Variants in RASAL2 observed in about 807,000 individuals in gnomAD.
RASAL2 encodes RAS protein activator like 2.
RASAL2 carries 58 observed loss-of-function variants against 128.9 expected under a neutral mutation model. The observed-to-expected ratio is 0.45, with a 90% CI of 0.36 to 0.56. The LOEUF (loss-of-function observed/expected upper bound fraction) is 0.56, where lower values mean the gene tolerates loss of function less well. Among genes scored for constraint, RASAL2 ranks in the 20% least tolerant of loss-of-function variants. The probability of loss-of-function intolerance (pLI) is 0.00; values close to 1 mark genes in which losing one functional copy is unlikely to be tolerated. For missense variants in RASAL2, 1,360 were observed against 1,601.6 expected, an observed-to-expected ratio of 0.85 and a Z score of 2.57; for synonymous variants, 561 against 580.8, an observed-to-expected ratio of 0.97 and a Z score of 0.49.
rs552176480 is a variant in RASAL2 at position 178,456,814 on chromosome 1, C to T, written c.2305C>T (p.Arg769Cys). The change falls in exon 13 of 18, where the codon CGC becomes TGC. Residue 769 changes from arginine to cysteine, a missense_variant. Coordinates refer to ENST00000367649, the MANE Select transcript of RASAL2 (RefSeq NM_170692.4). ...TACGCCAATACAACAGCAACTGAGA[C>T]GCTTCACTGAACATAACTCCAGTCC... Reference protein sequence around the residue: ...NPTPIQQQLRRFTEHNSSPNV... With the variant: ...NPTPIQQQLRCFTEHNSSPNV... 32 of 1,614,164 alleles carry T rather than the reference C, an allele frequency of 2.0e-5. No individual in the cohort carries two copies. The highest frequency in any genetic ancestry group is 4.5e-5 in the East Asian group (2 of 44,884).
chr1:178,167,013 G>A (rs1338128994), intron 1 of RASAL2, among the ~76,000 whole-genome samples: 1 of 152,000 alleles, frequency 6.6e-6, no homozygotes, highest in East Asian at 1.9e-4. Flanking sequence ...GTTCTTTCTA[G>A]CCCCTACTCT....
intron 1 of RASAL2, among the ~76,000 whole-genome samples, chr1:178,135,943 C>G (rs1483099449): frequency 2.6e-5 from 4 of 152,110 alleles, no homozygotes; most frequent in Non-Finnish European, 4.4e-5. Flanking sequence ...CCCACCAGGT[C>G]CCTCCCACAA....
chr1:178,163,765 G>A (rs929455576), intron 1 of RASAL2, among the ~76,000 whole-genome samples: 1 of 152,064 alleles, frequency 6.6e-6, no homozygotes, highest in Non-Finnish European at 1.5e-5. Context: ...GCTATTTGGA[G>A]GCCCTTGTTA....
chr1:178,224,469 A>C (rs1167962367), intron 1 of RASAL2, among the ~76,000 whole-genome samples: 2 of 152,144 alleles, frequency 1.3e-5, no homozygotes, highest in East Asian at 3.9e-4. Context: ...TTCATTGGGA[A>C]GCATATGTGC....
intron 6 of RASAL2, among the ~76,000 whole-genome samples, chr1:178,440,269 T>C (rs1316874417): frequency 5.9e-5 from 9 of 152,036 alleles, no homozygotes; most frequent in Admixed American, 3.9e-4. Context: ...ACTAAGTGAC[T>C]ACAGATGAGT....
intron 1 of RASAL2, among the ~76,000 whole-genome samples, chr1:178,138,137 T>C (rs182234711): frequency 2.0e-5 from 3 of 152,296 alleles, no homozygotes; most frequent in Non-Finnish European, 1.5e-5. Context: ...AAACTTGAGT[T>C]AAGAATTCAG....
At chr1:178,204,435 C>T (rs2101972596) in intron 1 of RASAL2, among the ~76,000 whole-genome samples, 3 of 152,256 alleles carry the variant, frequency 2.0e-5, no homozygotes, top group Middle Eastern at 6.8e-3. Flanking sequence ...CTTATACTAA[C>T]ACTATTCATC....
At chr1:178,260,654 A>G (rs1269147575) in intron 1 of RASAL2, among the ~76,000 whole-genome samples, 3 of 151,782 alleles carry the variant, frequency 2.0e-5, no homozygotes, top group African/African-American at 4.8e-5. Context: ...GTCAAACTCT[A>G]TATCCTAAAT....
At chr1:178,201,107 A>G (rs1217973898) in intron 1 of RASAL2, among the ~76,000 whole-genome samples, 1 of 152,222 alleles carries the variant, frequency 6.6e-6, no homozygotes, top group East Asian at 1.9e-4. Flanking sequence ...TCTAATTTAT[A>G]TAAGCAGAAA....
At chr1:178,114,755 C>T (rs1659465315) in intron 1 of RASAL2, among the ~76,000 whole-genome samples, 1 of 152,202 alleles carries the variant, frequency 6.6e-6, no homozygotes, top group East Asian at 1.9e-4. Context: ...ATCTCCTGAC[C>T]TCGTGATCCG....
At chr1:178,142,251 C>T (rs928405985) in intron 1 of RASAL2, among the ~76,000 whole-genome samples, 5 of 152,076 alleles carry the variant, frequency 3.3e-5, no homozygotes, top group Middle Eastern at 3.4e-3. Context: ...ACTTTAACTG[C>T]GGTTGGGGTA....
At chr1:178,102,208 C>T (rs1011920821) in intron 1 of RASAL2, among the ~76,000 whole-genome samples, 6 of 151,992 alleles carry the variant, frequency 3.9e-5, no homozygotes, top group African/African-American at 1.5e-4. Flanking sequence ...AATTAATACC[C>T]TTTTTCTGAT....
intron 1 of RASAL2, among the ~76,000 whole-genome samples, chr1:178,250,039 G>T (rs552810221): frequency 6.6e-6 from 1 of 152,164 alleles, no homozygotes; most frequent in Non-Finnish European, 1.5e-5. Context: ...TTGGCGGTCA[G>T]GGACCCACTT....
chr1:178,471,813 G>A (rs768882096), intron 17 of RASAL2, among the ~76,000 whole-genome samples: 2 of 152,106 alleles, frequency 1.3e-5, no homozygotes, highest in African/African-American at 4.8e-5. Flanking sequence ...GTGTCCCAAA[G>A]TGTAGCACTA....
chr1:178,259,131 T>C (rs1665531265), intron 1 of RASAL2, among the ~76,000 whole-genome samples: 1 of 108,058 alleles, frequency 9.3e-6, no homozygotes, highest in African/African-American at 3.7e-5. Context: ...TCTTTTTTTT[T>C]TTTTTTTTTT....
chr1:178,303,850 A>G (rs1667875024), intron 3 of RASAL2, among the ~76,000 whole-genome samples: 1 of 152,150 alleles, frequency 6.6e-6, no homozygotes, highest in South Asian at 2.1e-4. Context: ...AAATTAGTAC[A>G]TCCTGTCTGA....
Position 178,452,569 on chromosome 1 carries a change from T to C in RASAL2, c.1926T>C (p.Leu642=), listed in dbSNP as rs1314436676. The change falls in exon 11 of 18, where the codon CTT becomes CTC. Residue 642 remains leucine, a synonymous_variant. Coordinates refer to ENST00000367649, the MANE Select transcript of RASAL2 (RefSeq NM_170692.4). ...PAIMSPSLFN[L]MQEYPDDRTS... ...TTATGTCTCCCAGTCTTTTCAACCT[T>C]ATGCAGGAGTATCCTGATGACCGCA... The C allele has an allele frequency of 6.2e-7, 1 of 1,613,978 alleles. No homozygotes were observed. The highest frequency in any genetic ancestry group is 1.3e-5 in the African/African-American group (1 of 74,906).
At chr1:178,327,693 C>T (rs1669100377) in intron 3 of RASAL2, among the ~76,000 whole-genome samples, 1 of 152,172 alleles carries the variant, frequency 6.6e-6, no homozygotes, top group Non-Finnish European at 1.5e-5. Context: ...GGCAGAAAGA[C>T]AACCTTGTTA....
chr1:178,214,999 T>C (rs1410108631), intron 1 of RASAL2, among the ~76,000 whole-genome samples: 2 of 152,238 alleles, frequency 1.3e-5, no homozygotes, highest in Non-Finnish European at 2.9e-5. Context: ...AGGGGAACTT[T>C]GCTGTTGCTG....
Sources: gnomAD v4.1 joint callset for allele counts (sites outside exome capture counted in the v4.1 genomes callset) on GRCh38, gnomAD v4.1.1 for gene constraint, MANE v1.5 for transcripts, NCBI Gene and HGNC (gene_info 2026-07-23, HGNC 2026-07-21) for gene names.